Variants in PRDM6 observed in about 807,000 individuals in gnomAD.
PRDM6 encodes putative histone-lysine N-methyltransferase PRDM6.
Under a neutral mutation model 60.8 loss-of-function variants are expected in PRDM6, and 25 were observed. The ratio of observed to expected loss-of-function variants is 0.41; its 90% CI spans 0.30 to 0.57. The LOEUF is 0.57. Ranked by LOEUF, PRDM6 falls within the 20% of genes least tolerant of loss-of-function variation. The pLI is 0.27. For synonymous variants in PRDM6, 407 were observed against 357.4 expected (o/e 1.14, Z -1.57); for missense variants, 839 against 821.3 (o/e 1.02, Z -0.26).
At chr5:123,177,201 T>C (rs1354976094) in intron 6 of PRDM6, among the ~76,000 whole-genome samples, 1 of 152,224 alleles carries the variant, frequency 6.6e-6, no homozygotes, top group Non-Finnish European at 1.5e-5. Context: ...ATAATCAATT[T>C]TAAAATTACT....
At chr5:123,148,146 T>C (rs1765289543) in intron 3 of PRDM6, among the ~76,000 whole-genome samples, 2 of 152,380 alleles carry the variant, frequency 1.3e-5, no homozygotes, top group South Asian at 2.1e-4. Context: ...TCTTGACTTA[T>C]ATGTTAGTAT....
intron 7 of PRDM6, among the ~76,000 whole-genome samples, chr5:123,182,628 A>G (rs1580545045): frequency 6.6e-6 from 1 of 152,034 alleles, no homozygotes; most frequent in Admixed American, 6.5e-5. Context: ...CTTAATTTTA[A>G]TTCATCAGAT....
chr5:123,157,528 C>T (rs1765530444), intron 4 of PRDM6, among the ~76,000 whole-genome samples: 1 of 152,134 alleles, frequency 6.6e-6, no homozygotes, highest in South Asian at 2.1e-4. Flanking sequence ...TTTTACAACT[C>T]CCCCTTTCAT....
chr5:123,124,566 G>T (rs1036388689), intron 3 of PRDM6, among the ~76,000 whole-genome samples: 1 of 152,150 alleles, frequency 6.6e-6, no homozygotes, highest in Non-Finnish European at 1.5e-5. Flanking sequence ...TTACTGATAC[G>T]GTGTCTAATT....
chr5:123,090,246 T>C lies in PRDM6; in HGVS notation c.232T>C (p.Ser78Pro), dbSNP rs1763790002. 3 of 1,484,964 alleles carry C rather than the reference T, an allele frequency of 2.0e-6. No individual in the cohort carries two copies. Among genetic ancestry groups the C allele is most frequent in the African/African-American group, 1.5e-5 (1 of 68,016 alleles). The allele number at this position is 1,484,964 out of a possible 1,614,324, so 92.0% of individuals were successfully genotyped here. ...GCGCCCGCGGCCCGCCTCTCTCTCC[T>C]CCGCCTCGTCCACGCCGGCTTCCTC... The part of the protein sequence containing the change: ...SLRPRPASLS[S>P]ASSTPASSST... The change falls in exon 2 of 8, where the codon TCC becomes CCC. Residue 78 changes from serine (S) to proline (P), a missense_variant. Physicochemically the swap from Ser to Pro is moderately conservative, Grantham distance 74. This residue lies in a region of PRDM6 where 730 missense variants were observed against 648.8 expected (regional missense o/e 1.13). Coordinates refer to ENST00000407847, the MANE Select transcript of PRDM6 (RefSeq NM_001136239.4).
At chr5:123,159,444 A>G in intron 4 of PRDM6, 70 bp from the exon 5 acceptor site, 2 of 1,508,136 alleles carry the variant, frequency 1.3e-6, no homozygotes, top group Non-Finnish European at 1.8e-6. Flanking sequence ...TTTTCAGGGC[A>G]ATAAAAATAT....
chr5:123,129,919 A>G (rs61329589), intron 3 of PRDM6, among the ~76,000 whole-genome samples: 38,526 of 151,978 alleles, frequency 0.25, 5,286 homozygotes, highest in Middle Eastern at 0.33. Flanking sequence ...ATCTGCACTG[A>G]TTGGCAGCTT....
At chr5:123,102,709 T>C (rs1217002382) in intron 3 of PRDM6, among the ~76,000 whole-genome samples, 1 of 152,130 alleles carries the variant, frequency 6.6e-6, no homozygotes, top group Non-Finnish European at 1.5e-5. Flanking sequence ...TTTTTTCAAG[T>C]CATTTGCTGA....
intron 7 of PRDM6, among the ~76,000 whole-genome samples, chr5:123,186,158 C>T (rs902031502): frequency 1.3e-5 from 2 of 152,180 alleles, no homozygotes; most frequent in Non-Finnish European, 1.5e-5. Flanking sequence ...TGCCACAGTT[C>T]ATCTGTGGGT....
chr5:123,161,028 C>A (rs1580528415), intron 5 of PRDM6, among the ~76,000 whole-genome samples: 1 of 152,346 alleles, frequency 6.6e-6, no homozygotes, highest in East Asian at 1.9e-4. Context: ...ATCAGCCAGC[C>A]TCCCCATCTA....
chr5:123,109,745 C>G (rs1764266660), intron 3 of PRDM6, among the ~76,000 whole-genome samples: 1 of 152,138 alleles, frequency 6.6e-6, no homozygotes, highest in Non-Finnish European at 1.5e-5. Context: ...CTAAATGTAC[C>G]TGATTTCAGT....
chr5:123,160,587 C>T (rs1450180205), intron 5 of PRDM6, among the ~76,000 whole-genome samples: 2 of 151,920 alleles, frequency 1.3e-5, no homozygotes, highest in African/African-American at 4.8e-5. Flanking sequence ...CACATGCACT[C>T]ACACAAAAAC....
At chr5:123,185,450 G>A (rs974648548) in intron 7 of PRDM6, among the ~76,000 whole-genome samples, 1 of 152,208 alleles carries the variant, frequency 6.6e-6, no homozygotes, top group Non-Finnish European at 1.5e-5. Flanking sequence ...CACTCCAGGA[G>A]CTCTGGAGAG....
chr5:123,122,018 C>T (rs913568005), intron 3 of PRDM6, among the ~76,000 whole-genome samples: 3 of 151,678 alleles, frequency 2.0e-5, no homozygotes, highest in Non-Finnish European at 1.5e-5. Flanking sequence ...GAAACATTAG[C>T]TGGGCGTGGT....
rs972461333 is a variant in PRDM6, at chr5:123,090,431, C to T, written c.417C>T (p.Leu139=). 28 of 1,452,932 alleles carry T rather than the reference C, an allele frequency of 1.9e-5. No homozygotes were observed. Among genetic ancestry groups the T allele is most frequent in the Middle Eastern group, 2.4e-4 (1 of 4,098 alleles). The allele number at this position is 1,452,932 out of a possible 1,614,324, so 90.0% of individuals were successfully genotyped here. A position where few individuals can be genotyped will look rare whatever the true frequency, so the allele number is the denominator to read the frequency against. Residue 139 remains leucine, a synonymous_variant, in exon 2 of 8, where the codon CTC becomes CTT. Transcript: ENST00000407847. ...CGCTGCCCCCCAAGGAACTGTGCCTCGGCGCCACCTCCGGCCCCGGGCCCG... is the reference window on the plus strand; with the variant it reads ...CGCTGCCCCCCAAGGAACTGTGCCTTGGCGCCACCTCCGGCCCCGGGCCCG... ...AEPLPPKELC[L]GATSGPGPVK...
chr5:123,089,954 T>C (rs1367088580), intron 1 of PRDM6, 46 bp from the exon 2 acceptor site: 5 of 1,422,170 alleles, frequency 3.5e-6, no homozygotes, highest in Non-Finnish European at 3.8e-6. Context: ...TCCCGGCCCC[T>C]TTCGCCCAGC....
intron 3 of PRDM6, among the ~76,000 whole-genome samples, chr5:123,155,446 T>C (rs558412336): frequency 2.0e-5 from 3 of 151,998 alleles, no homozygotes; most frequent in Admixed American, 1.3e-4. Flanking sequence ...CCCAGCCTGT[T>C]GAACAGACAG....
At chr5:123,125,240 C>T (rs997172763) in intron 3 of PRDM6, among the ~76,000 whole-genome samples, 1 of 151,644 alleles carries the variant, frequency 6.6e-6, no homozygotes, top group Non-Finnish European at 1.5e-5. Context: ...CTGTGGGTTC[C>T]CTTTGTGTTC....
chr5:123,153,576 G>A (rs941812636), intron 3 of PRDM6, among the ~76,000 whole-genome samples: 2 of 152,174 alleles, frequency 1.3e-5, no homozygotes, highest in Non-Finnish European at 2.9e-5. Context: ...CATGCCATGT[G>A]CTACATTGTG....
Sources: gnomAD v4.1 joint callset for allele counts (sites outside exome capture counted in the v4.1 genomes callset) on GRCh38, gnomAD v4.1.1 for gene constraint, gnomAD v4.1.1 regional missense constraint, MANE v1.5 for transcripts, NCBI Gene and HGNC (gene_info 2026-07-23, HGNC 2026-07-21) for gene names.